The following ST3GAL6 variants were observed in gnomAD, a reference collection of about 807,000 sequenced individuals.
ST3GAL6 encodes ST3 beta-galactoside alpha-2,3-sialyltransferase 6, also known as type 2 lactosamine alpha-2,3-sialyltransferase.
A neutral mutation model predicts 40.5 loss-of-function variants in ST3GAL6; 31 were observed. That is an observed-to-expected ratio of 0.77 (90% confidence interval 0.58 to 1.03). The LOEUF is 1.03. ST3GAL6 is among the 50% of genes least tolerant of loss of function. ST3GAL6 has a pLI of 0.00. For synonymous variants in ST3GAL6, 129 were observed against 136.9 expected (o/e 0.94, Z 0.40); for missense variants, 357 against 393.2 (o/e 0.91, Z 0.78).
chr3:98,748,868 C>T (rs1023592281), intron 1 of ST3GAL6, among the ~76,000 whole-genome samples: 51 of 152,186 alleles, frequency 3.4e-4, no homozygotes, highest in African/African-American at 1.1e-3. Context: ...ATGCTTCTTC[C>T]TCTGCCTGGA....
At chr3:98,753,015 A>C (rs915644528) in intron 1 of ST3GAL6, among the ~76,000 whole-genome samples, 1 of 152,208 alleles carries the variant, frequency 6.6e-6, no homozygotes, top group African/African-American at 2.4e-5. Flanking sequence ...TGAGTTGTAT[A>C]TCTCTCACTT....
upstream of ST3GAL6, among the ~76,000 whole-genome samples, chr3:98,760,363 T>C (rs948398510): frequency 9.2e-5 from 14 of 152,238 alleles, no homozygotes; most frequent in African/African-American, 2.7e-4. Flanking sequence ...CCAGTACTGC[T>C]GGTCCATGGA....
At chr3:98,733,450 G>A in intron 1 of ST3GAL6, 1 of 992,630 alleles carries the variant, frequency 1.0e-6, no homozygotes, top group Non-Finnish European at 1.2e-6. Context: ...TTGTAAAAGG[G>A]TCTGTACGCG....
intron 8 of ST3GAL6, 80 bp from the exon 9 acceptor site, chr3:98,791,761 T>C (rs1477488167): frequency 7.7e-7 from 1 of 1,299,276 alleles, no homozygotes; most frequent in African/African-American, 1.5e-5. Flanking sequence ...CCCTGTTTTA[T>C]ATGATTCAGC....
At chr3:98,789,105 AT>A (rs946624930) in intron 8 of ST3GAL6, among the ~76,000 whole-genome samples, 1 of 152,156 alleles carries the variant, frequency 6.6e-6, no homozygotes, top group African/African-American at 2.4e-5. Context: ...TGGCAGAGAT[AT>A]TTTTTACTGG....
chr3:98,742,567 A>G (rs551695443), intron 1 of ST3GAL6, among the ~76,000 whole-genome samples: 92 of 152,344 alleles, frequency 6.0e-4, no homozygotes, highest in African/African-American at 2.1e-3. Flanking sequence ...TCATACCCTT[A>G]TTGAGGGGTC....
chr3:98,770,139 A>T (rs1045344904), intron 2 of ST3GAL6, among the ~76,000 whole-genome samples: 1 of 152,194 alleles, frequency 6.6e-6, no homozygotes, highest in African/African-American at 2.4e-5. Flanking sequence ...AAAATTGATT[A>T]GTTTTTAAAT....
chr3:98,739,512 C>G (rs189236539), intron 1 of ST3GAL6, among the ~76,000 whole-genome samples: 1 of 152,314 alleles, frequency 6.6e-6, no homozygotes, highest in Non-Finnish European at 1.5e-5. Context: ...AGGTATCAGC[C>G]TGTTGCTTCT....
At chr3:98,774,857 G>A (rs1006152349) in intron 5 of ST3GAL6, among the ~76,000 whole-genome samples, 5 of 152,202 alleles carry the variant, frequency 3.3e-5, no homozygotes, top group Admixed American at 1.3e-4. Context: ...GATGCTTGAC[G>A]TGAAGTGTGT....
intron 5 of ST3GAL6, among the ~76,000 whole-genome samples, chr3:98,778,969 A>G (rs537383419): frequency 2.6e-4 from 39 of 152,202 alleles, no homozygotes; most frequent in Non-Finnish European, 4.7e-4. Context: ...TGTGGATTGC[A>G]CAACTCCAGG....
intron 5 of ST3GAL6, chr3:98,782,097 C>T (rs1246693671): frequency 1.6e-5 from 10 of 622,584 alleles, no homozygotes; most frequent in Non-Finnish European, 2.0e-5. Context: ...CTCAGCCATA[C>T]TACATGGCCC....
At chr3:98,758,153 T>C (rs938951449) in intron 1 of ST3GAL6, among the ~76,000 whole-genome samples, 10 of 152,196 alleles carry the variant, frequency 6.6e-5, no homozygotes, top group Admixed American at 2.6e-4. Flanking sequence ...TTTTAACTTT[T>C]TATTGGCACC....
rs138863476 is a variant in ST3GAL6, at chr3:98,788,213, T to C, written c.609T>C (p.Gly203=). ...DLRWLLELLM[G]DKINTNGFWK... is the part of the protein sequence containing the mutation. Reference sequence around the variant, plus strand: ...GGTGGCTGTTGGAATTGTTGATGGGTGACAAAATAGTAAGTAGGCAAAATT... The same window carrying C: ...GGTGGCTGTTGGAATTGTTGATGGGCGACAAAATAGTAAGTAGGCAAAATT... Residue 203 remains glycine, a synonymous_variant, in exon 7 of 10, where the codon GGT becomes GGC. Transcript: ENST00000483910. 1.5e-5 allele frequency: 24 copies of C among 1,607,664 alleles called. No homozygotes were observed. The highest frequency in any genetic ancestry group is 1.7e-5 in the Non-Finnish European group (20 of 1,176,930).
rs369996406 is a variant in ST3GAL6 at position 98,766,405 on chromosome 3, C to CTTTTTTTTTTT, written c.-11-2003_-11-1993dup. The stretch of plus-strand genomic sequence containing the variant: ...GTTGGATCTTTGCATAAATGTCATT[C>CTTTTTTTTTTT]TTTTTTTTTTTTTTTTTTTTTTTTT... On this transcript the variant is annotated intron_variant, in intron 1 of 9. Transcript: ENST00000483910. 1.1e-4 allele frequency among the ~76,000 whole-genome samples: 11 copies of CTTTTTTTTTTT among 104,108 alleles called. 2 individuals carry two copies. The highest frequency in any genetic ancestry group is 3.7e-4 in the African/African-American group (9 of 24,420). The allele number at this position is 104,108 out of a possible 152,430, so 68.3% of individuals were successfully genotyped here. A position where few individuals can be genotyped will look rare whatever the true frequency, so the allele number is the denominator to read the frequency against.
At chr3:98,777,404 C>T (rs1939659265) in intron 5 of ST3GAL6, among the ~76,000 whole-genome samples, 2 of 152,196 alleles carry the variant, frequency 1.3e-5, no homozygotes, top group African/African-American at 4.8e-5. Flanking sequence ...CCCATTCATA[C>T]TCCTCCCCCT....
At chr3:98,752,240 T>C (rs1937060336) in intron 1 of ST3GAL6, among the ~76,000 whole-genome samples, 1 of 152,160 alleles carries the variant, frequency 6.6e-6, no homozygotes, top group South Asian at 2.1e-4. Flanking sequence ...CATTTTATTG[T>C]ATTTCATAGA....
At chr3:98,788,617 A>G (rs1013434180) in intron 8 of ST3GAL6, among the ~76,000 whole-genome samples, 154 bp downstream of exon 8, 1 of 152,168 alleles carries the variant, frequency 6.6e-6, no homozygotes, top group Non-Finnish European at 1.5e-5. Flanking sequence ...ATCTATGGAT[A>G]TTATCTTTAT....
intron 1 of ST3GAL6, among the ~76,000 whole-genome samples, chr3:98,735,947 T>C (rs1022894160): frequency 2.6e-5 from 4 of 152,206 alleles, no homozygotes; most frequent in Non-Finnish European, 4.4e-5. Flanking sequence ...TGTCTCAGAC[T>C]TGGTCAGGAA....
At chr3:98,787,504 A>G (rs977876299) in intron 6 of ST3GAL6, among the ~76,000 whole-genome samples, 3 of 152,242 alleles carry the variant, frequency 2.0e-5, no homozygotes, top group Non-Finnish European at 4.4e-5. Flanking sequence ...TTACTCTAGC[A>G]ATAGACATTC....
Sources: allele counts gnomAD v4.1 joint callset (sites outside exome capture counted in the v4.1 genomes callset), GRCh38; gene constraint gnomAD v4.1.1; transcripts MANE v1.5; gene names NCBI Gene and HGNC (gene_info 2026-07-23, HGNC 2026-07-21).